The following SERPINB5 variants were observed in gnomAD, a reference collection of about 807,000 sequenced individuals.
SERPINB5 encodes serpin B5.
In SERPINB5, 27 loss-of-function variants were observed where a neutral mutation model predicts 32.2. The observed-to-expected ratio is 0.84, with a 90% confidence interval of 0.62 to 1.16. The LOEUF (loss-of-function observed/expected upper bound fraction) is 1.16, where lower values mean the gene tolerates loss of function less well. Ranked by LOEUF, SERPINB5 falls within the 50% of genes most tolerant of loss-of-function variation. The pLI is 0.00. For synonymous variants in SERPINB5, 154 were observed against 157.4 expected, an observed-to-expected ratio of 0.98 and a Z score of 0.16; for missense variants, 388 against 436.3, an observed-to-expected ratio of 0.89 and a Z score of 0.99.
chr18:63,490,597 AAT>A (rs1909313324), intron 4 of SERPINB5: 1 of 152,086 alleles, frequency 6.6e-6, no homozygotes, highest in African/African-American at 2.4e-5. Context: ...TTCCTGCGAG[AAT>A]GACTGGCGCC....
intron 3 of SERPINB5, among the ~76,000 whole-genome samples, chr18:63,488,321 T>C (rs1242025962): frequency 3.3e-5 from 5 of 152,206 alleles, no homozygotes; most frequent in African/African-American, 1.2e-4. Context: ...GACATGACAC[T>C]GAATCAAGTT....
chr18:63,477,894 G>T (rs1254830442), intron 1 of SERPINB5, among the ~76,000 whole-genome samples: 2 of 152,208 alleles, frequency 1.3e-5, no homozygotes, highest in African/African-American at 2.4e-5. Context: ...TCACAGAGGT[G>T]ATCTGGTGTC....
intron 1 of SERPINB5, among the ~76,000 whole-genome samples, chr18:63,481,654 T>C (rs556614295): frequency 1.7e-4 from 26 of 152,380 alleles, no homozygotes; most frequent in African/African-American, 6.3e-4. Context: ...GCATTACTAA[T>C]ATTAAATGTG....
At chr18:63,484,323 A>T in intron 1 of SERPINB5, 99 bp from the exon 2 acceptor site, 1 of 1,141,296 alleles carries the variant, frequency 8.8e-7, no homozygotes, top group Non-Finnish European at 1.2e-6. Context: ...GAGATCAATT[A>T]CTTTGTTTAA....
At chr18:63,500,210 G>T (rs913839142) in intron 6 of SERPINB5, among the ~76,000 whole-genome samples, 3 of 150,478 alleles carry the variant, frequency 2.0e-5, no homozygotes, top group Non-Finnish European at 4.4e-5. Context: ...TGGGACTAAA[G>T]GCACACAGCA....
At chr18:63,482,693 A>G (rs1446625822) in intron 1 of SERPINB5, among the ~76,000 whole-genome samples, 1 of 152,130 alleles carries the variant, frequency 6.6e-6, no homozygotes, top group African/African-American at 2.4e-5. Flanking sequence ...GGACCCTGTT[A>G]CACTCTTAAA....
chr18:63,497,333 T>C (rs1909468903), intron 5 of SERPINB5: 5 of 1,293,678 alleles, frequency 3.9e-6, no homozygotes, highest in Non-Finnish European at 5.6e-6. Context: ...ATTCTGGGCT[T>C]TGCCCTGTCT....
intron 1 of SERPINB5, among the ~76,000 whole-genome samples, chr18:63,479,621 A>T (rs372137515): frequency 2.6e-5 from 4 of 152,082 alleles, no homozygotes; most frequent in South Asian, 4.2e-4. Flanking sequence ...ACTCCTGGGG[A>T]TCCCATAGTG....
intron 4 of SERPINB5, among the ~76,000 whole-genome samples, chr18:63,491,804 G>T (rs1909348034): frequency 6.6e-6 from 1 of 152,068 alleles, no homozygotes; most frequent in East Asian, 1.9e-4. Flanking sequence ...TGAAATGGGA[G>T]GCTCAGGGTT....
chr18:63,482,299 C>G (rs116123620), intron 1 of SERPINB5, among the ~76,000 whole-genome samples: 1 of 152,176 alleles, frequency 6.6e-6, no homozygotes, highest in Non-Finnish European at 1.5e-5. Context: ...TCTTGACACA[C>G]GTTTGGGTAC....
chr18:63,499,751 C>T (rs192363477), intron 6 of SERPINB5, among the ~76,000 whole-genome samples: 16 of 152,214 alleles, frequency 1.1e-4, no homozygotes, highest in Admixed American at 7.8e-4. Context: ...TACGTTGCTA[C>T]GCACTGCCAG....
At chr18:63,479,288 A>C (rs11872300) in intron 1 of SERPINB5, among the ~76,000 whole-genome samples, 1 of 152,228 alleles carries the variant, frequency 6.6e-6, no homozygotes, top group African/African-American at 2.4e-5. Context: ...TATCCTACCC[A>C]CAGGACTTTT....
chr18:63,493,375 T>C, intron 5 of SERPINB5: 1 of 562,808 alleles, frequency 1.8e-6, no homozygotes. Flanking sequence ...AGCTGAAAAA[T>C]AGCTACAAAC....
At chr18:63,496,134 TC>T (rs1555671121) in intron 5 of SERPINB5, among the ~76,000 whole-genome samples, 1 of 32,672 alleles carries the variant, frequency 3.1e-5, no homozygotes, top group African/African-American at 7.4e-5. Context: ...AGAAGATATG[TC>T]GTCTCAACAT....
chr18:63,484,490 A>C lies in SERPINB5; in HGVS notation c.62A>C (p.Glu21Ala), dbSNP rs1917173891. The C allele has an allele frequency of 1.2e-6, 2 of 1,614,076 alleles. No individual in the cohort carries two copies. The highest frequency in any genetic ancestry group is 1.7e-5 in the Admixed American group (1 of 60,010). ...GTTGATCTGTTCAAACAACTATGTG[A>C]AAAGGAGCCACTGGGCAATGTCCTC... ...FAVDLFKQLC[E>A]KEPLGNVLFS... Residue 21 changes from glutamate (E) to alanine (A), a missense_variant, in exon 2 of 7, where the codon GAA (glutamate) becomes GCA (alanine). Transcript: ENST00000382771.
In SERPINB5 at chr18:63,503,322, TC is replaced by T; in HGVS notation, c.736-6del. The stretch of plus-strand genomic sequence containing the variant: ...TAAAAATAATTTCTTTTCATTTTTG[TC>T]CTTCAGATTGAAAAACAACTCAACT... On this transcript the variant is annotated splice_polypyrimidine_tract_variant and splice_region_variant and intron_variant, in intron 6 of 6. Transcript: ENST00000382771. 6.2e-7 allele frequency: 1 copy of T among 1,602,092 alleles called. No individual in the cohort carries two copies. The highest frequency in any genetic ancestry group is 8.5e-7 in the Non-Finnish European group (1 of 1,177,210).
chr18:63,488,424 A>G (rs11662788), intron 3 of SERPINB5, among the ~76,000 whole-genome samples: 72,424 of 151,962 alleles, frequency 0.48, 19,541 homozygotes, highest in Non-Finnish European at 0.62. Context: ...TTCCTTGGAG[A>G]TGGAGTCTTT....
At chr18:63,497,480 C>T in intron 5 of SERPINB5, 1 of 446,610 alleles carries the variant, frequency 2.2e-6, no homozygotes, top group Non-Finnish European at 4.0e-6. Flanking sequence ...TAAGCTTTAC[C>T]ATTGAACACA....
intron 4 of SERPINB5, among the ~76,000 whole-genome samples, chr18:63,491,395 T>C (rs1909331342): frequency 9.0e-6 from 1 of 110,552 alleles, no homozygotes. Context: ...AGAGAGAAAC[T>C]GCGTCTCCCA....
Sources: gnomAD v4.1 joint callset for allele counts (sites outside exome capture counted in the v4.1 genomes callset) on GRCh38, gnomAD v4.1.1 for gene constraint, MANE v1.5 for transcripts, NCBI Gene and HGNC (gene_info 2026-07-23, HGNC 2026-07-21) for gene names.